COG5: variants seen among roughly 807,000 people sequenced by gnomAD.
COG5 encodes the protein component of oligomeric golgi complex 5.
In COG5, 86 loss-of-function variants were observed where a neutral mutation model predicts 110.4. That is an observed-to-expected ratio of 0.78 (90% CI 0.65 to 0.93). The LOEUF (loss-of-function observed/expected upper bound fraction) is 0.93. Ranked by LOEUF, COG5 falls within the 40% of genes least tolerant of loss-of-function variation. COG5 has a pLI of 0.00. For synonymous variants in COG5, 360 were observed against 334.6 expected (o/e 1.08, Z -0.83); for missense variants, 1,077 against 987.0 (o/e 1.09, Z -1.22).
chr7:107,295,089 ATATATATATATAT>A (rs1442863589), intron 12 of COG5, among the ~76,000 whole-genome samples: 3 of 72,928 alleles, frequency 4.1e-5, no homozygotes, highest in African/African-American at 5.4e-5. Context: ...ATATATATAT[ATATATATATATAT>A]TTTTTTTTTT....
intron 5 of COG5, among the ~76,000 whole-genome samples, chr7:107,537,181 A>C (rs1801643431): frequency 6.6e-6 from 1 of 152,230 alleles, no homozygotes; most frequent in Admixed American, 6.5e-5. Context: ...CTAGAACAAG[A>C]AATACCATTT....
intron 11 of COG5, among the ~76,000 whole-genome samples, chr7:107,317,478 T>C (rs1808863068): frequency 6.6e-6 from 1 of 152,158 alleles, no homozygotes; most frequent in Non-Finnish European, 1.5e-5. Context: ...TCACATAAGA[T>C]TGAGAATAAT....
intron 6 of COG5, among the ~76,000 whole-genome samples, chr7:107,495,955 T>A (rs919113372): frequency 1.3e-5 from 2 of 151,546 alleles, no homozygotes; most frequent in Non-Finnish European, 1.5e-5. Context: ...TTTAATTATT[T>A]TTTTTTTTAA....
chr7:107,535,175 T>C (rs1801491228), intron 5 of COG5, among the ~76,000 whole-genome samples: 1 of 151,678 alleles, frequency 6.6e-6, no homozygotes, highest in African/African-American at 2.4e-5. Context: ...AATCAGTGTT[T>C]AGAGGGAAAT....
chr7:107,241,926 T>C (rs1371241199), intron 17 of COG5, among the ~76,000 whole-genome samples: 1 of 152,040 alleles, frequency 6.6e-6, no homozygotes, highest in Non-Finnish European at 1.5e-5. Context: ...GAACTACCGA[T>C]GCACACCACG....
At chr7:107,310,296 A>T (rs560859431) in intron 11 of COG5, among the ~76,000 whole-genome samples, 1 of 152,374 alleles carries the variant, frequency 6.6e-6, no homozygotes, top group African/African-American at 2.4e-5. Context: ...TAAAGCCACA[A>T]CCATGGCTCA....
chr7:107,318,049 T>A (rs955270865), intron 11 of COG5, among the ~76,000 whole-genome samples: 1 of 152,108 alleles, frequency 6.6e-6, no homozygotes, highest in Non-Finnish European at 1.5e-5. Flanking sequence ...TTTTTTTTGA[T>A]ACAGAGGTTC....
intron 16 of COG5, among the ~76,000 whole-genome samples, chr7:107,254,956 G>A (rs923310341): frequency 6.6e-6 from 1 of 152,022 alleles, no homozygotes; most frequent in Non-Finnish European, 1.5e-5. Flanking sequence ...ATTAGAATGC[G>A]TACACAAAAT....
intron 8 of COG5, among the ~76,000 whole-genome samples, chr7:107,367,472 A>G (rs1813730764): frequency 6.6e-6 from 1 of 152,058 alleles, no homozygotes; most frequent in South Asian, 2.1e-4. Context: ...CTACATGTGT[A>G]TGTATATCAC....
At position 107,400,279 on chromosome 7, in the gene COG5, T is replaced by C. The variant is rs115668414; in HGVS notation, c.669+12223A>G. ...AATCTCAAAATAATTATGTTGAATG[T>C]ATAAAGCCAGATAAGAGGAAGAGCA... On this transcript the variant is annotated intron_variant, in intron 7 of 21. Transcript: ENST00000297135. 1.9e-3 allele frequency among the ~76,000 whole-genome samples: 288 copies of C among 152,196 alleles called. 1 individual carries two copies. The highest frequency in any genetic ancestry group is 6.7e-3 in the African/African-American group (278 of 41,508).
chr7:107,259,511 G>A (rs563616123), intron 14 of COG5, among the ~76,000 whole-genome samples: 1 of 152,274 alleles, frequency 6.6e-6, no homozygotes, highest in Admixed American at 6.5e-5. Context: ...TGAGGAGGTG[G>A]AGAGGCTCCT....
intron 14 of COG5, among the ~76,000 whole-genome samples, chr7:107,272,099 T>G (rs528762311): frequency 3.0e-4 from 46 of 152,254 alleles, no homozygotes; most frequent in African/African-American, 1.1e-3. Flanking sequence ...TTAGAGCATT[T>G]TCCCAGAAAA....
At chr7:107,548,389 A>G in intron 3 of COG5, 57 bp from the exon 4 acceptor site, 1 of 1,475,244 alleles carries the variant, frequency 6.8e-7, no homozygotes, top group Non-Finnish European at 9.5e-7. Context: ...CCAACTGGGT[A>G]AATAGTTAAA....
chr7:107,297,912 T>A (rs527853666), intron 12 of COG5, among the ~76,000 whole-genome samples: 6 of 152,260 alleles, frequency 3.9e-5, no homozygotes, highest in African/African-American at 1.2e-4. Context: ...TACTTAGTGT[T>A]ACACTTTAAA....
At chr7:107,207,058 A>G (rs1200954483) in intron 21 of COG5, among the ~76,000 whole-genome samples, 1 of 152,254 alleles carries the variant, frequency 6.6e-6, no homozygotes, top group Non-Finnish European at 1.5e-5. Context: ...GACAAAAACT[A>G]GCCAAGTGGA....
intron 7 of COG5, among the ~76,000 whole-genome samples, chr7:107,380,485 C>T (rs748621355): frequency 2.6e-5 from 4 of 152,056 alleles, no homozygotes; most frequent in South Asian, 2.1e-4. Context: ...GGGGAGATCA[C>T]CACTGATCCC....
intron 14 of COG5, among the ~76,000 whole-genome samples, chr7:107,274,613 C>T (rs1161682495): frequency 6.6e-6 from 1 of 152,130 alleles, no homozygotes; most frequent in Non-Finnish European, 1.5e-5. Context: ...AGCAGCCAGC[C>T]AGTCTTGTGA....
At chr7:107,522,999 C>T (rs974538800) in intron 6 of COG5, among the ~76,000 whole-genome samples, 1 of 152,122 alleles carries the variant, frequency 6.6e-6, no homozygotes, top group African/African-American at 2.4e-5. Flanking sequence ...ATTCGAGATC[C>T]TCTGAATTTC....
At chr7:107,428,620 T>C (rs753687569) in intron 6 of COG5, among the ~76,000 whole-genome samples, 4 of 152,218 alleles carry the variant, frequency 2.6e-5, no homozygotes, top group African/African-American at 4.8e-5. Context: ...AATAATTCTG[T>C]TGTTTTAAGG....
Sources: allele counts gnomAD v4.1 joint callset (sites outside exome capture counted in the v4.1 genomes callset), GRCh38; gene constraint gnomAD v4.1.1; transcripts MANE v1.5; gene names NCBI Gene and HGNC (gene_info 2026-07-23, HGNC 2026-07-21).